Variants in INVS observed in about 807,000 individuals in gnomAD.
The protein encoded by INVS is inversion of embryo turning homolog.
In INVS, 86 loss-of-function variants were observed where a neutral mutation model predicts 108.8. The ratio of observed to expected loss-of-function variants is 0.79; its 90% CI spans 0.66 to 0.95. The LOEUF (loss-of-function observed/expected upper bound fraction) is 0.95. Among genes scored for constraint, INVS ranks in the 40% least tolerant of loss-of-function variants. The pLI, the probability that INVS is intolerant of heterozygous loss-of-function variation, is 0.00. For missense variants in INVS, 1,169 were observed against 1,297.4 expected (o/e 0.90, Z 1.52); for synonymous variants, 455 against 473.5 (o/e 0.96, Z 0.51).
chr9:100,100,330 G>A (rs559800894), intron 1 of INVS, among the ~76,000 whole-genome samples: 1 of 151,528 alleles, frequency 6.6e-6, no homozygotes, highest in African/African-American at 2.4e-5. Flanking sequence ...CTAACTCCTA[G>A]ACTAGTGCTC....
chr9:100,188,318 A>T (rs575912544), intron 3 of INVS, among the ~76,000 whole-genome samples: 1 of 152,204 alleles, frequency 6.6e-6, no homozygotes, highest in South Asian at 2.1e-4. Flanking sequence ...TGGGTTTGTC[A>T]TATGTGGCTT....
At chr9:100,114,209 C>T (rs917745788) in intron 2 of INVS, among the ~76,000 whole-genome samples, 3 of 151,988 alleles carry the variant, frequency 2.0e-5, no homozygotes, top group Admixed American at 6.6e-5. Flanking sequence ...AGATAAAGAA[C>T]AATTCTATCA....
chr9:100,222,285 C>G (rs961902282), intron 3 of INVS, among the ~76,000 whole-genome samples: 28 of 152,156 alleles, frequency 1.8e-4, no homozygotes, highest in African/African-American at 6.5e-4. Flanking sequence ...TATCATTTGT[C>G]TCATTTCATA....
At chr9:100,118,128 C>T (rs1411800896) in intron 2 of INVS, among the ~76,000 whole-genome samples, 1 of 151,268 alleles carries the variant, frequency 6.6e-6, no homozygotes, top group South Asian at 2.1e-4. Context: ...TCTTGAACCC[C>T]TGGCCTCACG....
chr9:100,291,781 C>G (rs979455403), intron 13 of INVS, among the ~76,000 whole-genome samples: 1 of 152,144 alleles, frequency 6.6e-6, no homozygotes, highest in Admixed American at 6.5e-5. Flanking sequence ...CTGAAACAAA[C>G]TTCCTTGTCA....
chr9:100,162,053 G>A (rs898152744), intron 3 of INVS, among the ~76,000 whole-genome samples: 1 of 152,154 alleles, frequency 6.6e-6, no homozygotes, highest in African/African-American at 2.4e-5. Flanking sequence ...CTGACATGAA[G>A]CACCATGTAG....
chr9:100,159,622 C>G (rs1829106475), intron 3 of INVS, among the ~76,000 whole-genome samples: 1 of 152,080 alleles, frequency 6.6e-6, no homozygotes, highest in Non-Finnish European at 1.5e-5. Context: ...TAATAGAAGG[C>G]AGTTTTCTCT....
Position 100,232,313 on chromosome 9 carries a change from G to A in INVS, c.615+2486G>A, listed in dbSNP as rs368447319. On this transcript the variant is annotated intron_variant, in intron 5 of 16. Coordinates refer to ENST00000262457, the MANE Select transcript of INVS (RefSeq NM_014425.5). ...CCCATTCTGTAGGTTGCCTGTTCACGCTGATGATAGTTTCTTTTGCTGTGC... is the reference window on the plus strand; with the variant it reads ...CCCATTCTGTAGGTTGCCTGTTCACACTGATGATAGTTTCTTTTGCTGTGC... Among the ~76,000 whole-genome samples, 17 of 151,970 alleles carry A rather than the reference G, an allele frequency of 1.1e-4. No individual in the cohort carries two copies. In the East Asian group the frequency reaches 1.7e-3, roughly 16 times the overall value.
chr9:100,193,235 T>TG (rs1830278152), intron 3 of INVS, among the ~76,000 whole-genome samples: 1 of 152,128 alleles, frequency 6.6e-6, no homozygotes, highest in East Asian at 1.9e-4. Context: ...CCACCTTGGC[T>TG]GCCCAAAGTG....
At chr9:100,220,568 T>C (rs1406584770) in intron 3 of INVS, among the ~76,000 whole-genome samples, 1 of 152,174 alleles carries the variant, frequency 6.6e-6, no homozygotes, top group Non-Finnish European at 1.5e-5. Flanking sequence ...TAAGTATATA[T>C]CCTCTTTTGA....
intron 2 of INVS, among the ~76,000 whole-genome samples, chr9:100,114,398 T>C (rs902026072): frequency 2.2e-5 from 3 of 133,940 alleles, no homozygotes; most frequent in Admixed American, 1.5e-4. Context: ...TTTCTTTTTT[T>C]TTTTTTTTTT....
At position 100,252,966 on chromosome 9, in the gene INVS, C is replaced by T; in HGVS notation, c.1294C>T (p.Leu432=). 6.2e-7 allele frequency: 1 copy of T among 1,613,876 alleles called. No individual in the cohort carries two copies. The highest frequency in any genetic ancestry group is 8.5e-7 in the Non-Finnish European group (1 of 1,179,872). ...DGHSLLHWAA[L]GGNADVCQIL... is the part of the protein sequence containing the mutation. ...ACATTCTCTTCTACATTGGGCAGCA[C>T]TGGGAGGAAATGCTGATGTTTGCCA... The change falls in exon 10 of 17, where the codon CTG becomes TTG. Residue 432 remains leucine (L), a synonymous_variant. Coordinates refer to ENST00000262457, the MANE Select transcript of INVS (RefSeq NM_014425.5).
At position 100,100,830 on chromosome 9, in the gene INVS, T is replaced by C. The variant is rs868010789; in HGVS notation, c.-25+1414T>C. Among the ~76,000 whole-genome samples, 13 of 27,112 alleles carry C rather than the reference T, an allele frequency of 4.8e-4. 2 individuals carry two copies. The highest frequency in any genetic ancestry group is 6.2e-4 in the Non-Finnish European group (11 of 17,768). The allele number at this position is 27,112 out of a possible 152,430, so 17.8% of individuals were successfully genotyped here. Reference sequence around the variant, plus strand: ...ATATATAATATATATAATATATGTATATATAATATATATATAATATATGTA... The same window carrying C: ...ATATATAATATATATAATATATGTACATATAATATATATATAATATATGTA... On this transcript the variant is annotated intron_variant, in intron 1 of 16. Coordinates refer to ENST00000262457, the MANE Select transcript of INVS (RefSeq NM_014425.5).
Position 100,292,437 on chromosome 9 carries a change from G to A in INVS, c.2180G>A (p.Gly727Asp), listed in dbSNP as rs767079526. 1.2e-6 allele frequency: 2 copies of A among 1,614,186 alleles called. No individual in the cohort carries two copies. Among genetic ancestry groups the A allele is most frequent in the Non-Finnish European group, 1.7e-6 (2 of 1,180,034 alleles). ...GTTCCCTCTGTTGAGAAGTCCAGAG[G>A]TGAGACAGCTGGCGATGAGCGGTGT... ...PGVPSVEKSR[G>D]ETAGDERCAK... Residue 727 changes from glycine (G) to aspartate (D), a missense_variant, in exon 14 of 17, where the codon GGT (glycine) becomes GAT (aspartate). Around this residue, in one of 3 missense-constraint regions of INVS, gnomAD observed 533 missense variants for 536.0 expected, o/e 0.99. Coordinates refer to ENST00000262457, the MANE Select transcript of INVS (RefSeq NM_014425.5).
chr9:100,118,836 C>A (rs1231693804), intron 2 of INVS, among the ~76,000 whole-genome samples: 1 of 151,662 alleles, frequency 6.6e-6, no homozygotes, highest in South Asian at 2.1e-4. Flanking sequence ...AATTTCTGTA[C>A]TTTTAGTAGA....
Position 100,301,950 on chromosome 9 carries a change from T to G in INVS, c.*1276T>G, listed in dbSNP as rs1833986608. 2.9e-6 allele frequency: 1 copy of G among 343,452 alleles called. No individual in the cohort carries two copies. Among genetic ancestry groups the G allele is most frequent in the African/African-American group, 2.1e-5 (1 of 48,260 alleles). 21.3% of individuals were successfully genotyped at this position (343,452 alleles called of 1,614,324 possible). On this transcript the variant is annotated 3_prime_UTR_variant, in exon 17 of 17. Coordinates refer to ENST00000262457, the MANE Select transcript of INVS (RefSeq NM_014425.5). ...ACTCTCTATTTTGTAAATATTTAGC[T>G]CCTATGAAATGCACAATGCACAACC... is the stretch of plus-strand genomic sequence containing the variant.
chr9:100,169,286 G>A (rs1829462689), intron 3 of INVS, among the ~76,000 whole-genome samples: 1 of 152,062 alleles, frequency 6.6e-6, no homozygotes, highest in Admixed American at 6.6e-5. Flanking sequence ...GATATCAATG[G>A]TATCATGTCC....
intron 3 of INVS, among the ~76,000 whole-genome samples, chr9:100,185,767 T>C (rs1316718947): frequency 6.6e-6 from 1 of 152,044 alleles, no homozygotes; most frequent in Non-Finnish European, 1.5e-5. Flanking sequence ...TGCATAACCA[T>C]AGCTTAGCTT....
intron 3 of INVS, among the ~76,000 whole-genome samples, chr9:100,188,737 T>G (rs2118139882): frequency 6.6e-6 from 1 of 152,094 alleles, no homozygotes; most frequent in East Asian, 1.9e-4. Flanking sequence ...TTTCTCAATC[T>G]TTTGGAATAG....
Sources: gnomAD v4.1 joint callset for allele counts (sites outside exome capture counted in the v4.1 genomes callset) on GRCh38, gnomAD v4.1.1 for gene constraint, gnomAD v4.1.1 regional missense constraint, MANE v1.5 for transcripts, NCBI Gene and HGNC (gene_info 2026-07-23, HGNC 2026-07-21) for gene names.